Variants in C3orf80 observed in about 807,000 individuals in gnomAD.
C3orf80 encodes the protein chromosome 3 open reading frame 80.
In C3orf80, 10 loss-of-function variants were observed where a neutral mutation model predicts 15.8. That is an observed-to-expected ratio of 0.63 (90% confidence interval 0.39 to 1.07). The LOEUF is 1.07. Ranked by LOEUF, C3orf80 falls within the 50% of genes least tolerant of loss-of-function variation. The pLI is 0.01. For synonymous variants in C3orf80, 183 were observed against 192.0 expected (o/e 0.95, Z 0.39); for missense variants, 364 against 379.3 (o/e 0.96, Z 0.34).
Position 160,225,811 on chromosome 3 carries a change from C to CGGCGGTGCGCTGCTGCAAGCT in C3orf80, c.178_198dup (p.Ala60_Leu66dup), listed in dbSNP as rs1553748571. On this transcript the variant is annotated inframe_insertion, in exon 1 of 1. Transcript: ENST00000326474. The surrounding 1 kb of genome is among the most constrained non-coding windows in gnomAD (Gnocchi z 5.6). ...CGCTGCTGCGACGCGACCAACGCCA[C>CGGCGGTGCGCTGCTGCAAGCT]GGCGGTGCGCTGCTGCAAGCTGCCG... 1.9e-5 allele frequency: 28 copies of CGGCGGTGCGCTGCTGCAAGCT among 1,476,590 alleles called. No individual in the cohort carries two copies. The highest frequency in any genetic ancestry group is 2.3e-5 in the Admixed American group (1 of 44,070). The allele number at this position is 1,476,590 out of a possible 1,614,324, so 91.5% of individuals were successfully genotyped here. A position where few individuals can be genotyped will look rare whatever the true frequency, so the allele number is the denominator to read the frequency against.
Position 160,225,838 on chromosome 3 carries a change from T to TG in C3orf80, c.204dup (p.His69AlafsTer216). On this transcript the variant is annotated frameshift_variant, in exon 1 of 1. Transcript: ENST00000326474. LOFTEE classifies it high-confidence loss of function. The surrounding 1 kb of genome is among the most constrained non-coding windows in gnomAD (Gnocchi z 5.6). ...GCGGTGCGCTGCTGCAAGCTGCCGCTGCACGCCTTCCTGGACAACGTGGGC... is the reference window on the plus strand; with the variant it reads ...GCGGTGCGCTGCTGCAAGCTGCCGCTGGCACGCCTTCCTGGACAACGTGGGC... 1.3e-6 allele frequency: 2 copies of TG among 1,483,978 alleles called. No individual in the cohort carries two copies. Among genetic ancestry groups the TG allele is most frequent in the South Asian group, 1.3e-5 (1 of 79,836 alleles). The allele number at this position is 1,483,978 out of a possible 1,614,324, so 91.9% of individuals were successfully genotyped here.
At position 160,227,140 on chromosome 3, in the gene C3orf80, C is replaced by A. The variant is rs901335167; in HGVS notation, c.*761C>A. On this transcript the variant is annotated 3_prime_UTR_variant, in exon 1 of 1. Transcript: ENST00000326474. ...TGAGGAGGTATTTATATTTATTTGT[C>A]TTTTATTCTAATATTTTTACCATGC... is the stretch of plus-strand genomic sequence containing the variant. 1.3e-4 allele frequency: 19 copies of A among 151,976 alleles called. No homozygotes were observed. Among genetic ancestry groups the A allele is most frequent in the African/African-American group, 4.6e-4 (19 of 41,392 alleles). 9.4% of individuals were successfully genotyped at this position (151,976 alleles called of 1,614,324 possible). A position where few individuals can be genotyped will look rare whatever the true frequency, so the allele number is the denominator to read the frequency against.
At position 160,226,380 on chromosome 3, in the gene C3orf80, G is replaced by C; in HGVS notation, c.*1G>C. ...CGAGGGCCGCTACCCTCTTATCTGA[G>C]CGCTCGGGGATCGGCGGCTGGTGCA... On this transcript the variant is annotated 3_prime_UTR_variant, in exon 1 of 1. Transcript: ENST00000326474. The surrounding 1 kb of genome is among the most constrained non-coding windows in gnomAD (Gnocchi z 5.2). 6.9e-7 allele frequency: 1 copy of C among 1,442,632 alleles called. No homozygotes were observed. 89.4% of individuals were successfully genotyped at this position (1,442,632 alleles called of 1,614,324 possible). A position where few individuals can be genotyped will look rare whatever the true frequency, so the allele number is the denominator to read the frequency against.
In C3orf80 at chr3:160,226,279, G is replaced by A; in HGVS notation, c.644G>A (p.Ser215Asn). The A allele has an allele frequency of 6.6e-7, 1 of 1,520,312 alleles. No individual in the cohort carries two copies. Among genetic ancestry groups the A allele is most frequent in the African/African-American group, 1.4e-5 (1 of 70,934 alleles). 94.2% of individuals were successfully genotyped at this position (1,520,312 alleles called of 1,614,324 possible). ...GAGTCCATGCGGCTGCAGCAGCTCAGCCCCGGGGAGGTCGTGCTGCCAGTG... is the reference window on the plus strand; with the variant it reads ...GAGTCCATGCGGCTGCAGCAGCTCAACCCCGGGGAGGTCGTGCTGCCAGTG... ...YEESMRLQQLSPGEVVLPVSV... is the reference protein window; with the variant it reads ...YEESMRLQQLNPGEVVLPVSV... Residue 215 changes from serine (S) to asparagine (N), a missense_variant, in exon 1 of 1, where the codon AGC becomes AAC. By Grantham distance (46) the Ser-to-Asn change is conservative. Transcript: ENST00000326474. This position sits in a 1 kb window ranked among gnomAD's most constrained non-coding sequence, Gnocchi z 5.2.
Position 160,226,601 on chromosome 3 carries a change from G to A in C3orf80, c.*222G>A. On this transcript the variant is annotated 3_prime_UTR_variant, in exon 1 of 1. Coordinates refer to ENST00000326474, the MANE Select transcript of C3orf80 (RefSeq NM_001168214.2). This position sits in a 1 kb window ranked among gnomAD's most constrained non-coding sequence, Gnocchi z 5.2. ...AAGAAACGTGGGGCACGCGCGGCGG[G>A]TGCGGCTGCAGCAGGCGACCCTCCA... The A allele has an allele frequency of 2.0e-6, 1 of 494,152 alleles. No homozygotes were observed. The highest frequency in any genetic ancestry group is 3.4e-6 in the Non-Finnish European group (1 of 297,818). 30.6% of individuals were successfully genotyped at this position (494,152 alleles called of 1,614,324 possible). A position where few individuals can be genotyped will look rare whatever the true frequency, so the allele number is the denominator to read the frequency against.
In C3orf80 at chr3:160,226,128, CG is replaced by C; in HGVS notation, c.497del (p.Gly166AlafsTer20). The part of the protein sequence containing the change: ...DSLLDSGGGG[R>X]GRGGGGRSDP... Reference sequence around the variant, plus strand: ...ACTGCTGGACAGTGGCGGCGGCGGCCGGGGCCGGGGAGGCGGCGGGCGCTCG... The same window carrying C: ...ACTGCTGGACAGTGGCGGCGGCGGCCGGGCCGGGGAGGCGGCGGGCGCTCG... On this transcript the variant is annotated frameshift_variant, in exon 1 of 1. Transcript: ENST00000326474. LOFTEE classifies it high-confidence loss of function. This position sits in a 1 kb window ranked among gnomAD's most constrained non-coding sequence, Gnocchi z 5.2. 6.6e-7 allele frequency: 1 copy of C among 1,518,346 alleles called. No homozygotes were observed. The highest frequency in any genetic ancestry group is 8.8e-7 in the Non-Finnish European group (1 of 1,139,582). The allele number at this position is 1,518,346 out of a possible 1,614,324, so 94.1% of individuals were successfully genotyped here. A position where few individuals can be genotyped will look rare whatever the true frequency, so the allele number is the denominator to read the frequency against.
In C3orf80 at chr3:160,226,242, C is replaced by T; in HGVS notation, c.607C>T (p.Pro203Ser). 1 of 1,531,066 alleles carries T rather than the reference C, an allele frequency of 6.5e-7. No individual in the cohort carries two copies. The highest frequency in any genetic ancestry group is 8.7e-7 in the Non-Finnish European group (1 of 1,144,622). The allele number at this position is 1,531,066 out of a possible 1,614,324, so 94.8% of individuals were successfully genotyped here. ...CAGCTACGAGGAGGTCAAGTATCTGCCCACCTACGAGGAGTCCATGCGGCT... is the reference window on the plus strand; with the variant it reads ...CAGCTACGAGGAGGTCAAGTATCTGTCCACCTACGAGGAGTCCATGCGGCT... ...LPSYEEVKYL[P>S]TYEESMRLQQ... The change falls in exon 1 of 1, where the codon CCC (proline) becomes TCC (serine). Residue 203 changes from proline to serine, a missense_variant. Transcript: ENST00000326474. This position sits in a 1 kb window ranked among gnomAD's most constrained non-coding sequence, Gnocchi z 5.2.
At position 160,226,632 on chromosome 3, in the gene C3orf80, C is replaced by CCTTCGAAGGACGTCCCTGCCCT. The variant is rs1189238590; in HGVS notation, c.*256_*277dup. On this transcript the variant is annotated 3_prime_UTR_variant, in exon 1 of 1. Coordinates refer to ENST00000326474, the MANE Select transcript of C3orf80 (RefSeq NM_001168214.2). The surrounding 1 kb of genome is among the most constrained non-coding windows in gnomAD (Gnocchi z 5.2). ...CTGCAGCAGGCGACCCTCCAGCGCA[C>CCTTCGAAGGACGTCCCTGCCCT]CTTCGAAGGACGTCCCTGCCCTCTG... 6 of 450,130 alleles carry CCTTCGAAGGACGTCCCTGCCCT rather than the reference C, an allele frequency of 1.3e-5. No homozygotes were observed. Among genetic ancestry groups the CCTTCGAAGGACGTCCCTGCCCT allele is most frequent in the Non-Finnish European group, 2.3e-5 (6 of 257,512 alleles). 27.9% of individuals were successfully genotyped at this position (450,130 alleles called of 1,614,324 possible). A position where few individuals can be genotyped will look rare whatever the true frequency, so the allele number is the denominator to read the frequency against.
At position 160,226,071 on chromosome 3, in the gene C3orf80, C is replaced by G. The variant is rs771146945; in HGVS notation, c.436C>G (p.Arg146Gly). The change falls in exon 1 of 1, where the codon CGC (arginine) becomes GGC (glycine). Residue 146 changes from arginine (R) to glycine (G), a missense_variant. Arg to Gly is a moderately radical substitution (Grantham distance 125, BLOSUM62 -2). Coordinates refer to ENST00000326474, the MANE Select transcript of C3orf80 (RefSeq NM_001168214.2). The surrounding 1 kb of genome is among the most constrained non-coding windows in gnomAD (Gnocchi z 5.2). Reference sequence around the variant, plus strand: ...CGACGACGACTCGCCCGCTCTGCTGCGCGACGAGGCGGCAGCCGGCTCTCA... The same window carrying G: ...CGACGACGACTCGCCCGCTCTGCTGGGCGACGAGGCGGCAGCCGGCTCTCA... ...DDDDDSPALL[R>G]DEAAAGSQDS... 5 of 1,462,278 alleles carry G rather than the reference C, an allele frequency of 3.4e-6. No individual in the cohort carries two copies. The South Asian group carries it at 5.3e-5, about 15-fold the overall frequency. 90.6% of individuals were successfully genotyped at this position (1,462,278 alleles called of 1,614,324 possible). A position where few individuals can be genotyped will look rare whatever the true frequency, so the allele number is the denominator to read the frequency against.
Position 160,226,505 on chromosome 3 carries a change from C to A in C3orf80, c.*126C>A. 1 of 1,048,592 alleles carries A rather than the reference C, an allele frequency of 9.5e-7. No homozygotes were observed. The highest frequency in any genetic ancestry group is 1.3e-6 in the Non-Finnish European group (1 of 781,574). 65.0% of individuals were successfully genotyped at this position (1,048,592 alleles called of 1,614,324 possible). ...GGCCTAACTGCCCGGCACCCCGCGA[C>A]TGGGTTGGGGTCACTCGTCTCCCTC... On this transcript the variant is annotated 3_prime_UTR_variant, in exon 1 of 1. Coordinates refer to ENST00000326474, the MANE Select transcript of C3orf80 (RefSeq NM_001168214.2). This position sits in a 1 kb window ranked among gnomAD's most constrained non-coding sequence, Gnocchi z 5.2.
At position 160,226,412 on chromosome 3, in the gene C3orf80, G is replaced by C; in HGVS notation, c.*33G>C. ...GGGATCGGCGGCTGGTGCAGGGCTG[G>C]GGGCTGCGGGTGGCAAGCAACGGCC... is the stretch of plus-strand genomic sequence containing the variant. On this transcript the variant is annotated 3_prime_UTR_variant, in exon 1 of 1. Coordinates refer to ENST00000326474, the MANE Select transcript of C3orf80 (RefSeq NM_001168214.2). This position sits in a 1 kb window ranked among gnomAD's most constrained non-coding sequence, Gnocchi z 5.2. 2 of 1,388,260 alleles carry C rather than the reference G, an allele frequency of 1.4e-6. No individual in the cohort carries two copies. Among genetic ancestry groups the C allele is most frequent in the East Asian group, 3.0e-5 (1 of 33,436 alleles). The allele number at this position is 1,388,260 out of a possible 1,614,324, so 86.0% of individuals were successfully genotyped here. A position where few individuals can be genotyped will look rare whatever the true frequency, so the allele number is the denominator to read the frequency against.
In C3orf80 at chr3:160,226,187, T is replaced by G. The variant is rs1280164351; in HGVS notation, c.552T>G (p.Arg184=). The G allele has an allele frequency of 3.3e-6, 5 of 1,530,158 alleles. No homozygotes were observed. In the Admixed American group the frequency reaches 7.9e-5, roughly 24 times the overall value. The allele number at this position is 1,530,158 out of a possible 1,614,324, so 94.8% of individuals were successfully genotyped here. Residue 184 remains arginine (R), a synonymous_variant, in exon 1 of 1, where the codon CGT becomes CGG. Transcript: ENST00000326474. This position sits in a 1 kb window ranked among gnomAD's most constrained non-coding sequence, Gnocchi z 5.2. ...CCTGCGCCTCAGAGCACGAGATGCG[T>G]GTAGTGTCGCCGGTCTTCCTGCAGC... ...DPSCASEHEM[R]VVSPVFLQLP...
chr3:160,228,095 A>G lies in C3orf80; in HGVS notation c.*1716A>G, dbSNP rs1227848121. Reference sequence around the variant, plus strand: ...GAATTTTTTAAATGTCTGAATTGTAATAAAAAAATGGTTTACTTTAAACTT... The same window carrying G: ...GAATTTTTTAAATGTCTGAATTGTAGTAAAAAAATGGTTTACTTTAAACTT... On this transcript the variant is annotated 3_prime_UTR_variant, in exon 1 of 1. Transcript: ENST00000326474. 1 of 152,188 alleles carries G rather than the reference A, an allele frequency of 6.6e-6. No individual in the cohort carries two copies. Among genetic ancestry groups the G allele is most frequent in the Non-Finnish European group, 1.5e-5 (1 of 68,006 alleles). 9.4% of individuals were successfully genotyped at this position (152,188 alleles called of 1,614,324 possible). A position where few individuals can be genotyped will look rare whatever the true frequency, so the allele number is the denominator to read the frequency against.
Position 160,225,863 on chromosome 3 carries a change from C to A in C3orf80, c.228C>A (p.Gly76=). Residue 76 remains glycine (G), a synonymous_variant, in exon 1 of 1, where the codon GGC becomes GGA. Transcript: ENST00000326474. This position sits in a 1 kb window ranked among gnomAD's most constrained non-coding sequence, Gnocchi z 5.6. ...LPLHAFLDNV[G]WFVRKLSGLL... is the part of the protein sequence containing the mutation. ...TGCACGCCTTCCTGGACAACGTGGG[C>A]TGGTTCGTCCGCAAGCTCTCCGGGC... 6.7e-7 allele frequency: 1 copy of A among 1,489,082 alleles called. No individual in the cohort carries two copies. The highest frequency in any genetic ancestry group is 2.9e-5 in the East Asian group (1 of 34,770). 92.2% of individuals were successfully genotyped at this position (1,489,082 alleles called of 1,614,324 possible).
rs562156360 is a variant in C3orf80 at position 160,226,659 on chromosome 3, C to T, written c.*280C>T. 2.8e-5 allele frequency: 11 copies of T among 398,828 alleles called. No homozygotes were observed. In the South Asian group the frequency reaches 8.2e-4, roughly 30 times the overall value. The allele number at this position is 398,828 out of a possible 1,614,324, so 24.7% of individuals were successfully genotyped here. On this transcript the variant is annotated 3_prime_UTR_variant, in exon 1 of 1. Coordinates refer to ENST00000326474, the MANE Select transcript of C3orf80 (RefSeq NM_001168214.2). The surrounding 1 kb of genome is among the most constrained non-coding windows in gnomAD (Gnocchi z 5.2). ...TTCGAAGGACGTCCCTGCCCTCTGC[C>T]TTGCCTCGTATTGTGGTTCACTAGT...
In C3orf80 at chr3:160,226,172, A is replaced by C. The variant is rs535572881; in HGVS notation, c.537A>C (p.Ser179=). The C allele has an allele frequency of 6.5e-7, 1 of 1,528,224 alleles. No individual in the cohort carries two copies. Among genetic ancestry groups the C allele is most frequent in the South Asian group, 1.2e-5 (1 of 83,354 alleles). 94.7% of individuals were successfully genotyped at this position (1,528,224 alleles called of 1,614,324 possible). ...GGGRSDPSCA[S]EHEMRVVSPV... ...GGCGCTCGGACCCCTCCTGCGCCTC[A>C]GAGCACGAGATGCGTGTAGTGTCGC... The change falls in exon 1 of 1, where the codon TCA becomes TCC. Residue 179 remains serine (S), a synonymous_variant. Transcript: ENST00000326474. The surrounding 1 kb of genome is among the most constrained non-coding windows in gnomAD (Gnocchi z 5.2).
Position 160,225,819 on chromosome 3 carries a change from C to T in C3orf80, c.184C>T (p.Arg62Cys). 1 of 1,479,912 alleles carries T rather than the reference C, an allele frequency of 6.8e-7. No homozygotes were observed. The highest frequency in any genetic ancestry group is 8.9e-7 in the Non-Finnish European group (1 of 1,120,392). 91.7% of individuals were successfully genotyped at this position (1,479,912 alleles called of 1,614,324 possible). The change falls in exon 1 of 1, where the codon CGC (arginine) becomes TGC (cysteine). Residue 62 changes from arginine (R) to cysteine (C), a missense_variant. Transcript: ENST00000326474. This position sits in a 1 kb window ranked among gnomAD's most constrained non-coding sequence, Gnocchi z 5.6. The stretch of plus-strand genomic sequence containing the variant: ...CGACGCGACCAACGCCACGGCGGTG[C>T]GCTGCTGCAAGCTGCCGCTGCACGC... ...CCDATNATAV[R>C]CCKLPLHAFL... is the part of the protein sequence containing the mutation.
Position 160,225,693 on chromosome 3 carries a change from C to T in C3orf80, c.58C>T (p.Leu20=), listed in dbSNP as rs773690519. 24 of 1,389,518 alleles carry T rather than the reference C, an allele frequency of 1.7e-5. No homozygotes were observed. The South Asian group carries it at 3.6e-4, about 21-fold the overall frequency. 86.1% of individuals were successfully genotyped at this position (1,389,518 alleles called of 1,614,324 possible). The change falls in exon 1 of 1, where the codon CTG becomes TTG. Residue 20 remains leucine (L), a synonymous_variant. Transcript: ENST00000326474. This position sits in a 1 kb window ranked among gnomAD's most constrained non-coding sequence, Gnocchi z 5.6. ...GTCGGTGGCTCCGGCGCCGCCGCCT[C>T]TGCTGCCGCTGCTGCTACTGCTGGC... is the stretch of plus-strand genomic sequence containing the variant. ...GLSVAPAPPP[L]LPLLLLLALA...
chr3:160,226,020 C>T lies in C3orf80; in HGVS notation c.385C>T (p.Leu129=), dbSNP rs1297030703. The T allele has an allele frequency of 7.4e-7, 1 of 1,347,310 alleles. No individual in the cohort carries two copies. Among genetic ancestry groups the T allele is most frequent in the Non-Finnish European group, 9.5e-7 (1 of 1,056,798 alleles). 83.5% of individuals were successfully genotyped at this position (1,347,310 alleles called of 1,614,324 possible). Residue 129 remains leucine (L), a synonymous_variant, in exon 1 of 1, where the codon CTG becomes TTG. Transcript: ENST00000326474. The surrounding 1 kb of genome is among the most constrained non-coding windows in gnomAD (Gnocchi z 5.2). ...CGGGCCTCCGGGGGGCGCCGGACCGCTGGGGGGCGCGGGGCCGCCCGACGA... is the reference window on the plus strand; with the variant it reads ...CGGGCCTCCGGGGGGCGCCGGACCGTTGGGGGGCGCGGGGCCGCCCGACGA... ...RPGPPGGAGP[L]GGAGPPDDDD...
Sources: allele counts gnomAD v4.1 joint callset, GRCh38; gene constraint gnomAD v4.1.1; non-coding constraint Gnocchi (gnomAD v3.1); transcripts MANE v1.5; gene names NCBI Gene and HGNC (gene_info 2026-07-23, HGNC 2026-07-21).